Variants in EFHD1 observed in about 807,000 individuals in gnomAD.
EFHD1 encodes EF-hand domain family member D1.
In EFHD1, 10 loss-of-function variants were observed where a neutral mutation model predicts 17.2. The observed-to-expected ratio is 0.58, with a 90% CI of 0.36 to 0.99. The LOEUF (loss-of-function observed/expected upper bound fraction) is 0.99, where lower values mean the gene tolerates loss of function less well. Among genes scored for constraint, EFHD1 ranks in the 50% least tolerant of loss-of-function variants. EFHD1 has a pLI of 0.01. For synonymous variants in EFHD1, 153 were observed against 142.0 expected (o/e 1.08, Z -0.55); for missense variants, 310 against 327.5 (o/e 0.95, Z 0.41).
chr2:232,666,697 A>G (rs1329368768), intron 2 of EFHD1, among the ~76,000 whole-genome samples: 2 of 152,234 alleles, frequency 1.3e-5, no homozygotes, highest in East Asian at 1.9e-4. Flanking sequence ...CCAAAGCTTC[A>G]GGGACATTCA....
chr2:232,619,336 G>A (rs1280336473), intron 1 of EFHD1, among the ~76,000 whole-genome samples: 6 of 145,536 alleles, frequency 4.1e-5, no homozygotes, highest in Admixed American at 2.8e-4. Context: ...TTGAGATGAA[G>A]TCTCGCTCTT....
At chr2:232,642,867 A>C (rs755114277) in intron 1 of EFHD1, among the ~76,000 whole-genome samples, 88 of 152,316 alleles carry the variant, frequency 5.8e-4, no homozygotes, top group Middle Eastern at 3.4e-3. Context: ...GAGACGATCT[A>C]TGCTGTTCTG....
At chr2:232,640,989 A>G (rs1694421256) in intron 1 of EFHD1, among the ~76,000 whole-genome samples, 1 of 152,142 alleles carries the variant, frequency 6.6e-6, no homozygotes, top group Non-Finnish European at 1.5e-5. Context: ...GGGCTCAAGG[A>G]AAGGAAGCTG....
At chr2:232,660,007 C>G (rs930507824) in intron 1 of EFHD1, among the ~76,000 whole-genome samples, 4 of 152,088 alleles carry the variant, frequency 2.6e-5, no homozygotes, top group African/African-American at 7.2e-5. Flanking sequence ...GGTGCAGAAC[C>G]ATTTGTGAGA....
intron 1 of EFHD1, among the ~76,000 whole-genome samples, chr2:232,613,373 G>A (rs75410203): frequency 0.07 from 10,653 of 151,948 alleles, 400 homozygotes; most frequent in South Asian, 0.11. Context: ...GCAGTGAGCC[G>A]AGATCACGCC....
At chr2:232,617,388 C>T (rs539376201) in intron 1 of EFHD1, among the ~76,000 whole-genome samples, 95 of 152,196 alleles carry the variant, frequency 6.2e-4, no homozygotes, top group African/African-American at 2.3e-3. Context: ...CAGTGGCTCA[C>T]GCTTTAATCC....
chr2:232,637,609 G>A (rs1428501572), intron 1 of EFHD1, among the ~76,000 whole-genome samples: 1 of 152,052 alleles, frequency 6.6e-6, no homozygotes. Flanking sequence ...CTCCCAAAAC[G>A]CTGGGATTAC....
chr2:232,654,416 CT>C (rs539954632), intron 1 of EFHD1, among the ~76,000 whole-genome samples: 197 of 94,606 alleles, frequency 2.1e-3, no homozygotes, highest in East Asian at 0.018. Context: ...TTCTTTCTTT[CT>C]TTTTTTTTTT....
Position 232,650,341 on chromosome 2 carries a change from C to G in EFHD1, c.303-12461C>G, listed in dbSNP as rs1365224456. Among the ~76,000 whole-genome samples the G allele has an allele frequency of 4.2e-5, 6 of 143,608 alleles. No homozygotes were observed. In the Admixed American group the frequency reaches 4.3e-4, roughly 10 times the overall value. 94.2% of individuals were successfully genotyped at this position (143,608 alleles called of 152,430 possible). On this transcript the variant is annotated intron_variant, in intron 1 of 3. Coordinates refer to ENST00000264059, the MANE Select transcript of EFHD1 (RefSeq NM_025202.4). ...AGGTGTTTCATTCTCATTGTCCAGG[C>G]TGGAGTGCAGTGGTGCAATCTTGGC...
chr2:232,620,791 C>T (rs533811546), intron 1 of EFHD1, among the ~76,000 whole-genome samples: 35 of 152,142 alleles, frequency 2.3e-4, no homozygotes, highest in Admixed American at 1.2e-3. Context: ...AAACCATCCC[C>T]GCTCATCTCC....
At chr2:232,663,710 G>T (rs151316133) in intron 2 of EFHD1, among the ~76,000 whole-genome samples, 4 of 152,084 alleles carry the variant, frequency 2.6e-5, no homozygotes, top group Non-Finnish European at 4.4e-5. Context: ...TAACGACCAA[G>T]TCAGGGTAAT....
intron 1 of EFHD1, among the ~76,000 whole-genome samples, chr2:232,624,402 C>T (rs1032051671): frequency 2.1e-4 from 32 of 152,322 alleles, no homozygotes; most frequent in African/African-American, 6.3e-4. Context: ...TCTGGCTTGG[C>T]GCCTGGAGTC....
At chr2:232,622,024 C>T (rs1480029599) in intron 1 of EFHD1, among the ~76,000 whole-genome samples, 1 of 152,202 alleles carries the variant, frequency 6.6e-6, no homozygotes, top group African/African-American at 2.4e-5. Context: ...GTATCATCTC[C>T]CCAAACTTCC....
intron 1 of EFHD1, among the ~76,000 whole-genome samples, chr2:232,614,994 G>T (rs1693895325): frequency 6.6e-6 from 1 of 151,784 alleles, no homozygotes; most frequent in Non-Finnish European, 1.5e-5. Context: ...AAAATGATTT[G>T]TATTTATTTA....
At position 232,633,627 on chromosome 2, in the gene EFHD1, T is replaced by A. The variant is rs1694245076; in HGVS notation, c.-78T>A. 3 of 1,352,134 alleles carry A rather than the reference T, an allele frequency of 2.2e-6. No homozygotes were observed. Among genetic ancestry groups the A allele is most frequent in the Non-Finnish European group, 1.9e-6 (2 of 1,061,278 alleles). The allele number at this position is 1,352,134 out of a possible 1,614,324, so 83.8% of individuals were successfully genotyped here. On this transcript the variant is annotated 5_prime_UTR_variant, in exon 1 of 4. Transcript: ENST00000264059. ...GCGGAGTGTTGTAGAGCCTCGAGCC[T>A]GCGAGGAGCGCGCCGCCCGCCAGCT...
chr2:232,648,099 G>A (rs1317151245), intron 1 of EFHD1, among the ~76,000 whole-genome samples: 2 of 152,134 alleles, frequency 1.3e-5, no homozygotes, highest in African/African-American at 4.8e-5. Context: ...AAACTAGTTG[G>A]GCATAGGAGG....
Position 232,633,772 on chromosome 2 carries a change from G to GC in EFHD1, c.73dup (p.Gln25ProfsTer79), listed in dbSNP as rs2106193083. On this transcript the variant is annotated frameshift_variant, in exon 1 of 4. Transcript: ENST00000264059. LOFTEE classifies it high-confidence loss of function. ...CGGCGCGAGGAGGCCGAGGAGAGTG[G>GC]CCCCCAGCTGGCTCCCCTCGGCGCC... 6.8e-7 allele frequency: 1 copy of GC among 1,462,850 alleles called. No individual in the cohort carries two copies. Among genetic ancestry groups the GC allele is most frequent in the Admixed American group, 2.6e-5 (1 of 39,044 alleles). The allele number at this position is 1,462,850 out of a possible 1,614,324, so 90.6% of individuals were successfully genotyped here. A position where few individuals can be genotyped will look rare whatever the true frequency, so the allele number is the denominator to read the frequency against.
At chr2:232,650,455 C>T (rs563770191) in intron 1 of EFHD1, among the ~76,000 whole-genome samples, 53 of 150,230 alleles carry the variant, frequency 3.5e-4, no homozygotes, top group Middle Eastern at 3.5e-3. Flanking sequence ...CCACCACACA[C>T]GGCTAATTTT....
chr2:232,652,779 A>AAT (rs1259027778), intron 1 of EFHD1, among the ~76,000 whole-genome samples: 21 of 152,242 alleles, frequency 1.4e-4, no homozygotes, highest in Admixed American at 4.6e-4. Context: ...AAGCAGATAG[A>AAT]ATAGTGAGAT....
Sources: allele counts gnomAD v4.1 joint callset (sites outside exome capture counted in the v4.1 genomes callset), GRCh38; gene constraint gnomAD v4.1.1; transcripts MANE v1.5; gene names NCBI Gene and HGNC (gene_info 2026-07-23, HGNC 2026-07-21).